The following HNRNPC variants were observed in gnomAD, a reference collection of about 807,000 sequenced individuals.
HNRNPC encodes the protein heterogeneous nuclear ribonucleoproteins C1/C2.
Under a neutral mutation model 33.2 loss-of-function variants are expected in HNRNPC, and 3 were observed. That is an observed-to-expected ratio of 0.09 (90% CI 0.04 to 0.23). The LOEUF (loss-of-function observed/expected upper bound fraction) is 0.23, where lower values mean the gene tolerates loss of function less well. Ranked by LOEUF, HNRNPC falls within the 10% of genes least tolerant of loss-of-function variation. The pLI, the probability that HNRNPC is intolerant of heterozygous loss-of-function variation, is 1.00. For synonymous variants in HNRNPC, 121 were observed against 126.7 expected (o/e 0.96, Z 0.30); for missense variants, 143 against 366.7 (o/e 0.39, Z 4.98).
rs939626407 is a variant in HNRNPC at position 21,211,480 on chromosome 14, C to G, written c.724G>C (p.Gly242Arg). The G allele has an allele frequency of 1.9e-6, 3 of 1,613,220 alleles. No individual in the cohort carries two copies. The highest frequency in any genetic ancestry group is 1.7e-6 in the Non-Finnish European group (2 of 1,179,628). Residue 242 changes from glycine to arginine, a missense_variant, in exon 8 of 9, where the codon GGG (glycine) becomes CGG (arginine). Coordinates refer to ENST00000553300, the MANE Select transcript of HNRNPC (RefSeq NM_004500.4). ...TCCTCAGCAGAGTCATCTGCACCCC[C>G]CTCAGACTCCATCTTCACATTAGTC... The part of the protein sequence containing the change: ...DETNVKMESE[G>R]GADDSAEEGD...
intron 2 of HNRNPC, among the ~76,000 whole-genome samples, chr14:21,260,674 A>G (rs1028508832): frequency 4.6e-5 from 7 of 151,956 alleles, no homozygotes; most frequent in Non-Finnish European, 8.8e-5. Context: ...TAAAAATAGA[A>G]AAATTTAAGG....
At chr14:21,237,332 G>T (rs1267194585) in intron 2 of HNRNPC, among the ~76,000 whole-genome samples, 1 of 152,196 alleles carries the variant, frequency 6.6e-6, no homozygotes, top group Non-Finnish European at 1.5e-5. Context: ...TGATGCATTT[G>T]AAGCATTTTT....
In HNRNPC at chr14:21,211,055, C is replaced by G. The variant is rs371131630; in HGVS notation, c.*168G>C. The G allele has an allele frequency of 9.9e-6, 7 of 709,998 alleles. No individual in the cohort carries two copies. In the African/African-American group the frequency reaches 1.2e-4, roughly 13 times the overall value. The allele number at this position is 709,998 out of a possible 1,614,324, so 44.0% of individuals were successfully genotyped here. ...AGCGTCAAAGGAAGTGAAAATGGGA[C>G]TAGGCGCGGGGCAATATGAATTAAT... is the stretch of plus-strand genomic sequence containing the variant. On this transcript the variant is annotated 3_prime_UTR_variant, in exon 9 of 9. Transcript: ENST00000553300.
chr14:21,253,833 A>C (rs1390670402), intron 2 of HNRNPC, among the ~76,000 whole-genome samples: 2 of 152,120 alleles, frequency 1.3e-5, no homozygotes, highest in African/African-American at 4.8e-5. Context: ...TGGGAGGCTA[A>C]GGCGGGCAGA....
At chr14:21,212,745 T>C (rs1308288841) in intron 6 of HNRNPC, among the ~76,000 whole-genome samples, 1 of 152,132 alleles carries the variant, frequency 6.6e-6, no homozygotes, top group Admixed American at 6.5e-5. Context: ...GGTTCCTCCA[T>C]GTTGGACAGG....
At chr14:21,233,197 G>A (rs934765454) in intron 3 of HNRNPC, among the ~76,000 whole-genome samples, 1 of 152,150 alleles carries the variant, frequency 6.6e-6, no homozygotes, top group African/African-American at 2.4e-5. Flanking sequence ...AAGCAATCCA[G>A]TAAGATGTAA....
At chr14:21,211,704 G>A in intron 7 of HNRNPC, 106 bp downstream of exon 7, 1 of 1,410,190 alleles carries the variant, frequency 7.1e-7, no homozygotes, top group African/African-American at 1.4e-5. Flanking sequence ...CACTCCCCAA[G>A]TTTCATATTA....
chr14:21,230,706 T>C (rs1894018602), intron 4 of HNRNPC: 1 of 482,080 alleles, frequency 2.1e-6, no homozygotes, highest in South Asian at 3.9e-5. Flanking sequence ...TCAACGATCC[T>C]GTATAAGTAT....
intron 5 of HNRNPC, among the ~76,000 whole-genome samples, chr14:21,224,454 C>A (rs921275473): frequency 6.6e-6 from 1 of 152,084 alleles, no homozygotes; most frequent in Admixed American, 6.6e-5. Context: ...CTTCATGTAA[C>A]CATTAATGGC....
At chr14:21,257,969 T>C (rs1000077475) in intron 2 of HNRNPC, among the ~76,000 whole-genome samples, 24 of 152,328 alleles carry the variant, frequency 1.6e-4, no homozygotes, top group Non-Finnish European at 3.1e-4. Context: ...CTTGCACATA[T>C]ACACATCTTT....
intron 2 of HNRNPC, among the ~76,000 whole-genome samples, chr14:21,254,060 C>CA (rs575132536): frequency 0.038 from 1,979 of 51,800 alleles, 36 homozygotes; most frequent in African/African-American, 0.099. Context: ...GATTCCGTCT[C>CA]AAAAAAAAAA....
At chr14:21,245,932 A>G (rs56770312) in intron 2 of HNRNPC, among the ~76,000 whole-genome samples, 22,100 of 151,526 alleles carry the variant, frequency 0.15, 1,815 homozygotes, top group Admixed American at 0.23. Flanking sequence ...TACAACCTCC[A>G]CCTCCCAGGT....
intron 6 of HNRNPC, among the ~76,000 whole-genome samples, chr14:21,212,666 C>T (rs1891745995): frequency 6.6e-6 from 1 of 152,034 alleles, no homozygotes. Flanking sequence ...CCTCAGCCTC[C>T]CAATTAGCTG....
At chr14:21,243,533 T>C (rs552560442) in intron 2 of HNRNPC, among the ~76,000 whole-genome samples, 1 of 152,348 alleles carries the variant, frequency 6.6e-6, no homozygotes, top group African/African-American at 2.4e-5. Flanking sequence ...AAGAAAAGAT[T>C]ACATCTTTTT....
chr14:21,259,882 CAA>C (rs5807071), intron 2 of HNRNPC, among the ~76,000 whole-genome samples: 4 of 132,866 alleles, frequency 3.0e-5, no homozygotes, highest in Admixed American at 7.7e-5. Context: ...CTGTCTCCAC[CAA>C]AAAAAAAAAA....
At chr14:21,228,673 TGAGCC>T (rs1893747464) in intron 5 of HNRNPC, among the ~76,000 whole-genome samples, 1 of 152,038 alleles carries the variant, frequency 6.6e-6, no homozygotes, top group Non-Finnish European at 1.5e-5. Flanking sequence ...ATTACAGGTG[TGAGCC>T]ACCGTGCCCA....
At chr14:21,228,088 A>T (rs925606019) in intron 5 of HNRNPC, among the ~76,000 whole-genome samples, 2 of 152,208 alleles carry the variant, frequency 1.3e-5, no homozygotes, top group Admixed American at 6.5e-5. Context: ...AGAAGCTGGC[A>T]TGAGTATATT....
At chr14:21,220,495 C>T (rs1271532389) in intron 5 of HNRNPC, among the ~76,000 whole-genome samples, 3 of 152,180 alleles carry the variant, frequency 2.0e-5, no homozygotes, top group Admixed American at 6.5e-5. Context: ...TCCCAAAGTG[C>T]TGGGATTACA....
chr14:21,227,936 C>A, intron 5 of HNRNPC, among the ~76,000 whole-genome samples: 1 of 152,156 alleles, frequency 6.6e-6, no homozygotes, highest in South Asian at 2.1e-4. Context: ...GATAATAATA[C>A]ACAGAAACAC....
Sources: allele counts gnomAD v4.1 joint callset (sites outside exome capture counted in the v4.1 genomes callset), GRCh38; gene constraint gnomAD v4.1.1; transcripts MANE v1.5; gene names NCBI Gene and HGNC (gene_info 2026-07-23, HGNC 2026-07-21).